ZBED4: variants seen among roughly 807,000 people sequenced by gnomAD.
ZBED4 encodes the protein zinc finger BED domain-containing protein 4.
Under a neutral mutation model 15.5 loss-of-function variants are expected in ZBED4, and 4 were observed. The observed-to-expected ratio is 0.26, with a 90% CI of 0.13 to 0.59. The LOEUF (loss-of-function observed/expected upper bound fraction) is 0.59, where lower values mean the gene tolerates loss of function less well. ZBED4 is among the 20% of genes least tolerant of loss of function. The probability of loss-of-function intolerance (pLI) is 0.90; values close to 1 mark genes in which losing one functional copy is unlikely to be tolerated. For missense variants in ZBED4, 1,323 were observed against 1,461.8 expected (o/e 0.91, Z 1.55); for synonymous variants, 692 against 608.5 (o/e 1.14, Z -2.02).
chr22:49,870,644 T>C (rs556784182), intron 1 of ZBED4, among the ~76,000 whole-genome samples: 2 of 152,196 alleles, frequency 1.3e-5, no homozygotes, highest in African/African-American at 4.8e-5. Flanking sequence ...TATCTGTTCA[T>C]GTCCTTTGCT....
chr22:49,885,662 C>T lies in ZBED4; in HGVS notation c.2000C>T (p.Ala667Val). 3 of 1,612,862 alleles carry T rather than the reference C, an allele frequency of 1.9e-6. No individual in the cohort carries two copies. Among genetic ancestry groups the T allele is most frequent in the Non-Finnish European group, 2.5e-6 (3 of 1,178,960 alleles). Residue 667 changes from alanine (A) to valine (V), a missense_variant, in exon 2 of 2, where the codon GCA becomes GTA. By Grantham distance (64) the Ala-to-Val change is moderately conservative (BLOSUM62 0). This residue lies in a region of ZBED4 where 89 missense variants were observed against 129.8 expected (regional missense o/e 0.69). Coordinates refer to ENST00000216268, the MANE Select transcript of ZBED4 (RefSeq NM_014838.3). ...KITSLIAEMI[A>V]LDLQPYSFVD... is the part of the protein sequence containing the mutation. ...ACAAGTCTCATAGCTGAAATGATTG[C>T]ACTTGACCTCCAGCCATATTCTTTT...
intron 1 of ZBED4, among the ~76,000 whole-genome samples, chr22:49,878,295 C>G (rs1015190887): frequency 4.9e-5 from 5 of 102,398 alleles, no homozygotes; most frequent in African/African-American, 1.2e-4. Context: ...GAGTGAGACA[C>G]TGTCTCAAAA....
Position 49,883,511 on chromosome 22 carries a change from G to T in ZBED4, c.-152G>T. ...CATGAGTCACAGATTCTTTTTTTCAGTACTATTTATGATTAGCCATATTTC... is the reference window on the plus strand; with the variant it reads ...CATGAGTCACAGATTCTTTTTTTCATTACTATTTATGATTAGCCATATTTC... On this transcript the variant is annotated 5_prime_UTR_variant, in exon 2 of 2. Transcript: ENST00000216268. 9.1e-7 allele frequency: 1 copy of T among 1,097,620 alleles called. No homozygotes were observed. The highest frequency in any genetic ancestry group is 1.2e-6 in the Non-Finnish European group (1 of 801,646). The allele number at this position is 1,097,620 out of a possible 1,614,324, so 68.0% of individuals were successfully genotyped here.
chr22:49,874,746 C>G (rs1469728292), intron 1 of ZBED4, among the ~76,000 whole-genome samples: 1 of 121,156 alleles, frequency 8.3e-6, no homozygotes, highest in African/African-American at 3.1e-5. Flanking sequence ...ATGGCTCGAT[C>G]TCAGCTCACT....
rs141697372 is a variant in ZBED4, at chr22:49,885,365, C to G, written c.1703C>G (p.Ser568Cys). Residue 568 changes from serine to cysteine, a missense_variant, in exon 2 of 2, where the codon TCT becomes TGT. Ser to Cys is a moderately radical substitution (Grantham distance 112). Around this residue, in one of 6 missense-constraint regions of ZBED4, gnomAD observed 429 missense variants for 397.9 expected, o/e 1.08. Transcript: ENST00000216268. The stretch of plus-strand genomic sequence containing the variant: ...ACCTCGAAGCTGTGGAATCATTTTT[C>G]TATTTGCTCCGCAGACTCCACAAAA... Reference protein sequence around the residue: ...KKTSKLWNHFSICSADSTKVV... With the variant: ...KKTSKLWNHFCICSADSTKVV... 18 of 1,588,110 alleles carry G rather than the reference C, an allele frequency of 1.1e-5. No individual in the cohort carries two copies. Among genetic ancestry groups the G allele is most frequent in the Non-Finnish European group, 1.5e-5 (18 of 1,164,566 alleles).
At chr22:49,878,249 G>T (rs2060388176) in intron 1 of ZBED4, among the ~76,000 whole-genome samples, 1 of 143,164 alleles carries the variant, frequency 7.0e-6, no homozygotes, top group African/African-American at 2.5e-5. Flanking sequence ...AGGTTACAGT[G>T]AGCCAACGCA....
In ZBED4 at chr22:49,885,941, G is replaced by A. The variant is rs756970463; in HGVS notation, c.2279G>A (p.Arg760His). ...TCCTTCGAGTCGCCAGCCCGGCCGC[G>A]CTGTGACGACCACCACTGCTCGGCG... ...WVSFESPARP[R>H]CDDHHCSALL... Residue 760 changes from arginine (R) to histidine (H), a missense_variant, in exon 2 of 2, where the codon CGC becomes CAC. This residue lies in a region of ZBED4 where 100 missense variants were observed against 79.3 expected (regional missense o/e 1.26). Transcript: ENST00000216268. The A allele has an allele frequency of 2.1e-5, 16 of 779,870 alleles. No individual in the cohort carries two copies. Among genetic ancestry groups the A allele is most frequent in the African/African-American group, 8.6e-5 (5 of 58,130 alleles). The allele number at this position is 779,870 out of a possible 1,614,324, so 48.3% of individuals were successfully genotyped here. A position where few individuals can be genotyped will look rare whatever the true frequency, so the allele number is the denominator to read the frequency against.
chr22:49,864,953 G>GCCCCGCCA lies in ZBED4; in HGVS notation c.-330+10964_-330+10965insCCCCGCCA, dbSNP rs1365130994. Among the ~76,000 whole-genome samples the GCCCCGCCA allele has an allele frequency of 1.4e-3, 13 of 9,120 alleles. 1 individual carries two copies. The highest frequency in any genetic ancestry group is 3.7e-3 in the Admixed American group (2 of 542). 6.0% of individuals were successfully genotyped at this position (9,120 alleles called of 152,430 possible). A position where few individuals can be genotyped will look rare whatever the true frequency, so the allele number is the denominator to read the frequency against. ...TCCCAGCAAGCCCCCCCCCCCCCCC[G>GCCCCGCCA]TGAAGTCAGAAACCACGGAGTCCAG... On this transcript the variant is annotated intron_variant, in intron 1 of 1. Transcript: ENST00000216268.
intron 1 of ZBED4, among the ~76,000 whole-genome samples, chr22:49,871,641 G>A (rs2060348166): frequency 6.6e-6 from 1 of 152,160 alleles, no homozygotes. Flanking sequence ...TCTCAGCTGG[G>A]AGGAGATGTT....
At chr22:49,880,438 A>G (rs2060402959) in intron 1 of ZBED4, among the ~76,000 whole-genome samples, 1 of 152,176 alleles carries the variant, frequency 6.6e-6, no homozygotes, top group Non-Finnish European at 1.5e-5. Context: ...GGCTCTGCCA[A>G]GTTCCGACTC....
chr22:49,862,790 C>T (rs1440962754), intron 1 of ZBED4, among the ~76,000 whole-genome samples: 8 of 144,746 alleles, frequency 5.5e-5, no homozygotes, highest in African/African-American at 2.6e-5. Flanking sequence ...CAACCTCTGC[C>T]TCTTGGGTTC....
At chr22:49,862,868 A>T (rs1487431647) in intron 1 of ZBED4, among the ~76,000 whole-genome samples, 1 of 151,496 alleles carries the variant, frequency 6.6e-6, no homozygotes, top group Non-Finnish European at 1.5e-5. Flanking sequence ...CGCCTGGCTA[A>T]TTTTTGTAGT....
chr22:49,860,932 C>G (rs1465043854), intron 1 of ZBED4, among the ~76,000 whole-genome samples: 3 of 151,982 alleles, frequency 2.0e-5, no homozygotes, highest in African/African-American at 7.3e-5. Context: ...GCGCCCACCA[C>G]CACGCCCAGC....
intron 1 of ZBED4, among the ~76,000 whole-genome samples, chr22:49,865,991 G>A (rs567298784): frequency 2.2e-4 from 33 of 151,792 alleles, no homozygotes; most frequent in African/African-American, 7.7e-4. Context: ...TATACGCGTG[G>A]GCCACTGTGC....
chr22:49,887,012 T>A lies in ZBED4; in HGVS notation c.3350T>A (p.Leu1117Gln). 1 of 1,614,126 alleles carries A rather than the reference T, an allele frequency of 6.2e-7. No individual in the cohort carries two copies. Among genetic ancestry groups the A allele is most frequent in the Non-Finnish European group, 8.5e-7 (1 of 1,180,040 alleles). ...KKASWPGLSA[L>Q]AVRFLGCPPS... ...GCGTCCTGGCCGGGGCTGTCCGCGC[T>A]GGCCGTCAGATTTTTGGGCTGCCCC... Residue 1117 changes from leucine to glutamine, a missense_variant, in exon 2 of 2, where the codon CTG becomes CAG. Physicochemically the swap from Leu to Gln is moderately radical, Grantham distance 113 (BLOSUM62 -2). Coordinates refer to ENST00000216268, the MANE Select transcript of ZBED4 (RefSeq NM_014838.3).
chr22:49,887,169 T>C lies in ZBED4; in HGVS notation c.3507T>C (p.Phe1169=), dbSNP rs1355104040. The C allele has an allele frequency of 3.1e-6, 5 of 1,609,396 alleles. No individual in the cohort carries two copies. The highest frequency in any genetic ancestry group is 4.2e-6 in the Non-Finnish European group (5 of 1,177,180). The change falls in exon 2 of 2, where the codon TTT becomes TTC. Residue 1169 remains phenylalanine (F), a synonymous_variant. Transcript: ENST00000216268. ...FLKVNLPLIY[F]QY The stretch of plus-strand genomic sequence containing the variant: ...AAGTGAATCTTCCCTTAATATACTT[T>C]CAGTATTGAAACTCACGACGGCACC...
At chr22:49,879,249 C>T (rs984375308) in intron 1 of ZBED4, among the ~76,000 whole-genome samples, 11 of 151,136 alleles carry the variant, frequency 7.3e-5, no homozygotes, top group South Asian at 2.1e-4. Flanking sequence ...CTCAGCCTCC[C>T]GAGTAGCTGG....
upstream of ZBED4, among the ~76,000 whole-genome samples, chr22:49,853,547 C>T (rs943966089): frequency 5.3e-5 from 8 of 152,198 alleles, no homozygotes; most frequent in Admixed American, 1.3e-4. Flanking sequence ...GGCGCCCGCG[C>T]CCCGCCCAGC....
Position 49,884,905 on chromosome 22 carries a change from T to A in ZBED4, c.1243T>A (p.Ser415Thr). Residue 415 changes from serine to threonine, a missense_variant, in exon 2 of 2, where the codon TCA becomes ACA. This residue lies in a region of ZBED4 where 429 missense variants were observed against 397.9 expected (regional missense o/e 1.08). Coordinates refer to ENST00000216268, the MANE Select transcript of ZBED4 (RefSeq NM_014838.3). ...GCTGATGGAAGACGTGGCGGCCTTC[T>A]CATCTTCCGATGACATAGGGGAGGC... ...DGLMEDVAAFSSSDDIGEASA... is the reference protein window; with the variant it reads ...DGLMEDVAAFTSSDDIGEASA... The A allele has an allele frequency of 6.2e-7, 1 of 1,602,690 alleles. No individual in the cohort carries two copies.
Sources: allele counts gnomAD v4.1 joint callset (sites outside exome capture counted in the v4.1 genomes callset), GRCh38; gene constraint gnomAD v4.1.1; regional missense constraint gnomAD v4.1.1; transcripts MANE v1.5; gene names NCBI Gene and HGNC (gene_info 2026-07-23, HGNC 2026-07-21).